The following BLTP3B variants were observed in gnomAD, a reference collection of about 807,000 sequenced individuals.
BLTP3B encodes bridge-like lipid transfer protein family member 3B, also known as UHRF1 (ICBP90) binding protein 1-like.
the BLTP3B span, among the ~76,000 whole-genome samples, chr12:100,118,194 C>T: frequency 6.6e-6 from 1 of 152,006 alleles, no homozygotes; most frequent in Admixed American, 6.6e-5. Context: ...TCAAAACTTT[C>T]AAGGTTGGCT....
chr12:100,048,088 C>A, the BLTP3B span: 2 of 1,613,214 alleles, frequency 1.2e-6, no homozygotes, highest in South Asian at 1.1e-5. Context: ...CTGCAGAAAT[C>A]CATTTTTTTC....
the BLTP3B span, among the ~76,000 whole-genome samples, chr12:100,109,487 AG>A: frequency 6.6e-6 from 1 of 152,256 alleles, no homozygotes; most frequent in African/African-American, 2.4e-5. Context: ...AAAGGCAGCC[AG>A]GTGCGTGGCT....
chr12:100,140,911 A>G, the BLTP3B span, among the ~76,000 whole-genome samples: 1 of 151,312 alleles, frequency 6.6e-6, no homozygotes, highest in Non-Finnish European at 1.5e-5. Context: ...ATGGAGTTCT[A>G]TAAAAGAATT....
chr12:100,094,622 C>T, the BLTP3B span, among the ~76,000 whole-genome samples: 2 of 152,176 alleles, frequency 1.3e-5, no homozygotes, highest in Non-Finnish European at 2.9e-5. Flanking sequence ...TTTGGGAGGC[C>T]AAGGCGGGCA....
the BLTP3B span, chr12:100,057,969 T>C: frequency 1.6e-5 from 24 of 1,506,656 alleles, no homozygotes; most frequent in East Asian, 3.6e-4. Flanking sequence ...AATACACTCA[T>C]AGGCACACAC....
the BLTP3B span, among the ~76,000 whole-genome samples, chr12:100,047,358 C>T: frequency 2.0e-5 from 3 of 152,002 alleles, no homozygotes; most frequent in African/African-American, 4.8e-5. Context: ...ATTAACTGGG[C>T]GTGTTGACAG....
chr12:100,136,445 G>A, the BLTP3B span, among the ~76,000 whole-genome samples: 1 of 152,036 alleles, frequency 6.6e-6, no homozygotes, highest in African/African-American at 2.4e-5. Flanking sequence ...AATAGGAATC[G>A]CTGAAGCTTC....
the BLTP3B span, among the ~76,000 whole-genome samples, chr12:100,057,020 T>C: frequency 1.3e-5 from 2 of 152,174 alleles, no homozygotes; most frequent in African/African-American, 2.4e-5. Context: ...TACTGGGGCA[T>C]TGGTTGTCTC....
At chr12:100,104,518 T>A in the BLTP3B span, among the ~76,000 whole-genome samples, 1 of 144,254 alleles carries the variant, frequency 6.9e-6, no homozygotes, top group African/African-American at 2.8e-5. Context: ...TCAGGTTCTT[T>A]TAAGTATCTT....
At chr12:100,057,964 A>T in the BLTP3B span, 3 of 1,492,104 alleles carry the variant, frequency 2.0e-6, no homozygotes, top group Non-Finnish European at 2.7e-6. Context: ...AACAAAATAC[A>T]CTCATAGGCA....
At chr12:100,119,031 G>A in the BLTP3B span, among the ~76,000 whole-genome samples, 1 of 152,142 alleles carries the variant, frequency 6.6e-6, no homozygotes, top group Admixed American at 6.5e-5. Flanking sequence ...GAACTCAGGA[G>A]GCGGAGGTTG....
chr12:100,103,079 T>C, the BLTP3B span, among the ~76,000 whole-genome samples: 1 of 152,068 alleles, frequency 6.6e-6, no homozygotes, highest in Non-Finnish European at 1.5e-5. Flanking sequence ...GTGGAAAAGC[T>C]ATGTGTATTA....
the BLTP3B span, chr12:100,088,953 T>C: frequency 6.2e-7 from 1 of 1,609,904 alleles, no homozygotes; most frequent in Non-Finnish European, 8.5e-7. Flanking sequence ...TATGTGTAGA[T>C]CTAGATGAGA....
the BLTP3B span, chr12:100,070,290 A>ATTT: frequency 6.5e-3 from 6,216 of 961,534 alleles, no homozygotes; most frequent in South Asian, 8.0e-3. Context: ...TAATTAATTA[A>ATTT]TTTTTTTTTT....
chr12:100,121,513 T>C, the BLTP3B span, among the ~76,000 whole-genome samples: 1 of 152,182 alleles, frequency 6.6e-6, no homozygotes, highest in Admixed American at 6.5e-5. Context: ...ATTATGGTAA[T>C]GGTATTATGA....
the BLTP3B span, chr12:100,037,902 GACA>G: frequency 7.7e-6 from 5 of 650,772 alleles, no homozygotes; most frequent in East Asian, 9.5e-5. Flanking sequence ...ACTGCTTTGA[GACA>G]ACATTTGGAA....
chr12:100,080,545 C>T, the BLTP3B span, among the ~76,000 whole-genome samples: 3 of 152,156 alleles, frequency 2.0e-5, no homozygotes, highest in African/African-American at 4.8e-5. Context: ...TGCTGGATTT[C>T]GGATTTGCAT....
the BLTP3B span, chr12:100,142,497 AGCCGCCAGGCGCC>A: frequency 7.2e-7 from 1 of 1,392,742 alleles, no homozygotes; most frequent in Non-Finnish European, 9.9e-7. Flanking sequence ...CCTCCCGCAC[AGCCGCCAGGCGCC>A]GCCGCCCCCG....
the BLTP3B span, among the ~76,000 whole-genome samples, chr12:100,068,737 T>G: frequency 6.6e-6 from 1 of 151,722 alleles, no homozygotes; most frequent in African/African-American, 2.4e-5. Flanking sequence ...CCAACAAACA[T>G]AGAAAAAAAT....
Sources: allele counts gnomAD v4.1 joint callset (sites outside exome capture counted in the v4.1 genomes callset), GRCh38; gene constraint gnomAD v4.1.1; transcripts MANE v1.5; gene names NCBI Gene and HGNC (gene_info 2026-07-23, HGNC 2026-07-21).